SCAF8: variants seen among roughly 807,000 people sequenced by gnomAD.
The protein encoded by SCAF8 is SR-related CTD associated factor 8.
Under a neutral mutation model 140.5 loss-of-function variants are expected in SCAF8, and 23 were observed. That is an observed-to-expected ratio of 0.16 (90% CI 0.12 to 0.23). The LOEUF is 0.23. SCAF8 is among the 10% of genes least tolerant of loss of function. The probability of loss-of-function intolerance (pLI) is 1.00; values close to 1 mark genes in which losing one functional copy is unlikely to be tolerated. For synonymous variants in SCAF8, 575 were observed against 528.9 expected, an observed-to-expected ratio of 1.09 and a Z score of -1.20; for missense variants, 1,397 against 1,555.7, an observed-to-expected ratio of 0.90 and a Z score of 1.72.
At chr6:154,739,904 CAT>C (rs1214571069) in intron 1 of SCAF8, among the ~76,000 whole-genome samples, 18 of 152,206 alleles carry the variant, frequency 1.2e-4, no homozygotes, top group East Asian at 5.8e-4. Context: ...ATAATATAAA[CAT>C]GTGAAATTTG....
At chr6:154,750,476 C>T (rs147970905) in intron 1 of SCAF8, among the ~76,000 whole-genome samples, 2 of 152,216 alleles carry the variant, frequency 1.3e-5, no homozygotes, top group East Asian at 3.9e-4. Context: ...TTCCCCCATC[C>T]CTATCATGTT....
intron 1 of SCAF8, among the ~76,000 whole-genome samples, chr6:154,737,595 AG>A (rs1364238726): frequency 6.6e-6 from 1 of 151,952 alleles, no homozygotes; most frequent in African/African-American, 2.4e-5. Context: ...GGTGTAAAGG[AG>A]GGGGCAGGTG....
chr6:154,760,936 C>G (rs759678828), intron 1 of SCAF8, among the ~76,000 whole-genome samples: 18 of 151,944 alleles, frequency 1.2e-4, no homozygotes, highest in Non-Finnish European at 1.5e-4. Context: ...GGCATGCACC[C>G]CCATGTCCCA....
rs1001641664 is a variant in SCAF8, at chr6:154,797,595, C to T, written c.606+2456C>T. Among the ~76,000 whole-genome samples the T allele has an allele frequency of 5.3e-5, 8 of 151,146 alleles. 1 individual carries two copies. Among genetic ancestry groups the T allele is most frequent in the Non-Finnish European group, 3.0e-5 (2 of 67,688 alleles). On this transcript the variant is annotated intron_variant, in intron 6 of 19. Transcript: ENST00000367178. ...ATTTTCAGTAGAGACAGGGTTTCAC[C>T]GTGTTAGCCAGGATGGTCTTGATCT...
At chr6:154,805,271 T>A in intron 8 of SCAF8, 98 bp from the exon 9 acceptor site, 1 of 655,178 alleles carries the variant, frequency 1.5e-6, no homozygotes, top group South Asian at 2.2e-5. Flanking sequence ...AGAATATGTT[T>A]TATTGAATTG....
chr6:154,813,887 C>T (rs1778167791), intron 12 of SCAF8, among the ~76,000 whole-genome samples: 1 of 152,174 alleles, frequency 6.6e-6, no homozygotes. Context: ...GGAAGGCAGG[C>T]AGCTTGTAGA....
At chr6:154,776,245 C>G (rs1182484511) in intron 2 of SCAF8, among the ~76,000 whole-genome samples, 1 of 151,604 alleles carries the variant, frequency 6.6e-6, no homozygotes, top group East Asian at 1.9e-4. Context: ...GCGTCTAGAC[C>G]AGTTGTTTTT....
At chr6:154,824,481 G>C in intron 17 of SCAF8, 103 bp downstream of exon 17, 1 of 1,044,078 alleles carries the variant, frequency 9.6e-7, no homozygotes. Context: ...TGAGACCTTA[G>C]CATGCATAGC....
At chr6:154,798,952 G>A (rs1474390714) in intron 6 of SCAF8, among the ~76,000 whole-genome samples, 1 of 150,792 alleles carries the variant, frequency 6.6e-6, no homozygotes, top group African/African-American at 2.4e-5. Flanking sequence ...CCTGTAGCCA[G>A]CATGCCTGGT....
Position 154,832,259 on chromosome 6 carries a change from C to T in SCAF8, c.2680C>T (p.Pro894Ser), listed in dbSNP as rs374454882. ...GVQPPNVPNT[P>S]GLLGTQPPAG... ...ACAGCCACCAAATGTTCCAAATACT[C>T]CTGGACTTCTGGGAACACAGCCACC... Residue 894 changes from proline to serine, a missense_variant, in exon 20 of 20, where the codon CCT (proline) becomes TCT (serine). Around this residue, in one of 5 missense-constraint regions of SCAF8, gnomAD observed 930 missense variants for 874.6 expected, o/e 1.06. Transcript: ENST00000367178. The T allele has an allele frequency of 3.3e-5, 53 of 1,614,090 alleles. No individual in the cohort carries two copies. The highest frequency in any genetic ancestry group is 4.3e-5 in the Non-Finnish European group (51 of 1,180,002).
chr6:154,733,694 G>A lies in SCAF8; in HGVS notation c.-207G>A. The stretch of plus-strand genomic sequence containing the variant: ...CTAGAACGGCGCTCCCCCCGCCCTA[G>A]CGGCCATGCCGGTGCCGCTCTGCCG... On this transcript the variant is annotated 5_prime_UTR_variant, in exon 1 of 20. Coordinates refer to ENST00000367178, the MANE Select transcript of SCAF8 (RefSeq NM_014892.5). The A allele has an allele frequency of 7.8e-7, 1 of 1,287,638 alleles. No individual in the cohort carries two copies. The highest frequency in any genetic ancestry group is 9.8e-7 in the Non-Finnish European group (1 of 1,019,410). The allele number at this position is 1,287,638 out of a possible 1,614,324, so 79.8% of individuals were successfully genotyped here.
intron 1 of SCAF8, among the ~76,000 whole-genome samples, chr6:154,745,715 C>T (rs573529579): frequency 7.2e-5 from 11 of 152,162 alleles, no homozygotes; most frequent in African/African-American, 2.2e-4. Flanking sequence ...AAATTTTCAC[C>T]ACTTGTTTTG....
chr6:154,805,528 T>C, intron 9 of SCAF8, 42 bp downstream of exon 9: 1 of 1,135,094 alleles, frequency 8.8e-7, no homozygotes, highest in Non-Finnish European at 1.2e-6. Flanking sequence ...TATTACTATT[T>C]ATATTCTATA....
Position 154,741,808 on chromosome 6 carries a change from G to A in SCAF8, c.30+7878G>A, listed in dbSNP as rs572474482. 5.9e-4 allele frequency: 324 copies of A among 547,448 alleles called. 2 individuals carry two copies. The South Asian group carries it at 6.0e-3, about 10-fold the overall frequency. 33.9% of individuals were successfully genotyped at this position (547,448 alleles called of 1,614,324 possible). A position where few individuals can be genotyped will look rare whatever the true frequency, so the allele number is the denominator to read the frequency against. On this transcript the variant is annotated intron_variant, in intron 1 of 19. Coordinates refer to ENST00000367178, the MANE Select transcript of SCAF8 (RefSeq NM_014892.5). Reference sequence around the variant, plus strand: ...GATATCTCTTTCTAAGGCCAGTTACGCTGTTTTGGACAACTTCTAACTCAT... The same window carrying A: ...GATATCTCTTTCTAAGGCCAGTTACACTGTTTTGGACAACTTCTAACTCAT...
chr6:154,812,270 G>A (rs965394675), intron 12 of SCAF8, among the ~76,000 whole-genome samples: 1 of 121,156 alleles, frequency 8.3e-6, no homozygotes, highest in Non-Finnish European at 1.7e-5. Context: ...AATAGCAGGT[G>A]CCTACTTTGT....
At chr6:154,748,904 TATTA>T (rs1339861081) in intron 1 of SCAF8, among the ~76,000 whole-genome samples, 1 of 152,246 alleles carries the variant, frequency 6.6e-6, no homozygotes, top group Non-Finnish European at 1.5e-5. Flanking sequence ...TGTAACAGTT[TATTA>T]ATTCCAAATA....
chr6:154,794,907 G>A, intron 5 of SCAF8, 102 bp from the exon 6 acceptor site: 2 of 1,042,624 alleles, frequency 1.9e-6, no homozygotes, highest in Non-Finnish European at 1.4e-6. Context: ...CAATATGCGT[G>A]CATGTGTTTT....
rs1480709866 is a variant in SCAF8, at chr6:154,733,685, C to T, written c.-216C>T. 4 of 1,312,378 alleles carry T rather than the reference C, an allele frequency of 3.0e-6. No individual in the cohort carries two copies. In the African/African-American group the frequency reaches 4.6e-5, roughly 15 times the overall value. 81.3% of individuals were successfully genotyped at this position (1,312,378 alleles called of 1,614,324 possible). On this transcript the variant is annotated 5_prime_UTR_variant, in exon 1 of 20. Coordinates refer to ENST00000367178, the MANE Select transcript of SCAF8 (RefSeq NM_014892.5). ...CTCTGTTCCCTAGAACGGCGCTCCC[C>T]CCGCCCTAGCGGCCATGCCGGTGCC...
chr6:154,808,045 G>C, intron 9 of SCAF8, 25 bp from the exon 10 acceptor site: 2 of 1,583,618 alleles, frequency 1.3e-6, no homozygotes, highest in Non-Finnish European at 1.7e-6. Context: ...CCCAATCTTT[G>C]TGTGTTTGTA....
Sources: allele counts gnomAD v4.1 joint callset (sites outside exome capture counted in the v4.1 genomes callset), GRCh38; gene constraint gnomAD v4.1.1; regional missense constraint gnomAD v4.1.1; transcripts MANE v1.5; gene names NCBI Gene and HGNC (gene_info 2026-07-23, HGNC 2026-07-21).